The following CYP19A1 variants were observed in gnomAD, a reference collection of about 807,000 sequenced individuals.
CYP19A1 encodes the protein aromatase.
A neutral mutation model predicts 44.4 loss-of-function variants in CYP19A1; 32 were observed. The observed-to-expected ratio is 0.72, with a 90% confidence interval of 0.54 to 0.97. The LOEUF (loss-of-function observed/expected upper bound fraction) is 0.97. Among genes scored for constraint, CYP19A1 ranks in the 50% least tolerant of loss-of-function variants. The pLI is 0.00. For synonymous variants in CYP19A1, 212 were observed against 215.6 expected (o/e 0.98, Z 0.14); for missense variants, 598 against 637.8 (o/e 0.94, Z 0.67).
At chr15:51,296,555 A>G (rs1013712769) in intron 1 of CYP19A1, among the ~76,000 whole-genome samples, 1 of 152,232 alleles carries the variant, frequency 6.6e-6, no homozygotes, top group Non-Finnish European at 1.5e-5. Context: ...GAAACTCGCT[A>G]AAATTACAGA....
chr15:51,234,791 C>A (rs1241986142), intron 3 of CYP19A1, among the ~76,000 whole-genome samples: 4 of 152,250 alleles, frequency 2.6e-5, no homozygotes, highest in Middle Eastern at 3.4e-3. Context: ...CTGAGTCCTA[C>A]CCCCAGAGGT....
In CYP19A1 at chr15:51,212,526, A is replaced by G; in HGVS notation, c.1057T>C (p.Leu353=). ...RDIKIDDIQK[L]KVMENFIYES... Reference sequence around the variant, plus strand: ...TAAATGAAGTTTTCCATCACTTTTAATTTTTGTATATCATCAATCTTTATG... The same window carrying G: ...TAAATGAAGTTTTCCATCACTTTTAGTTTTTGTATATCATCAATCTTTATG... Residue 353 remains leucine, a synonymous_variant, in exon 9 of 10, where the codon TTA becomes CTA. Transcript: ENST00000396402. 6.6e-7 allele frequency: 1 copy of G among 1,512,146 alleles called. No individual in the cohort carries two copies. Among genetic ancestry groups the G allele is most frequent in the South Asian group, 1.1e-5 (1 of 88,986 alleles). 93.7% of individuals were successfully genotyped at this position (1,512,146 alleles called of 1,614,324 possible). A position where few individuals can be genotyped will look rare whatever the true frequency, so the allele number is the denominator to read the frequency against.
At chr15:51,303,110 G>A (rs76439081) in intron 1 of CYP19A1, among the ~76,000 whole-genome samples, 1 of 152,172 alleles carries the variant, frequency 6.6e-6, no homozygotes, top group African/African-American at 2.4e-5. Context: ...CCTTTGGAAG[G>A]CTTCAGCTGT....
At chr15:51,281,169 C>T (rs1461996427) in intron 1 of CYP19A1, among the ~76,000 whole-genome samples, 1 of 152,184 alleles carries the variant, frequency 6.6e-6, no homozygotes, top group South Asian at 2.1e-4. Flanking sequence ...CACACAGCCC[C>T]CTTGCTACAC....
intron 1 of CYP19A1, chr15:51,320,965 C>G (rs1371200689): frequency 2.0e-5 from 3 of 152,418 alleles, no homozygotes; most frequent in African/African-American, 7.2e-5. Flanking sequence ...TCAATTCAGA[C>G]CAGCCACACT....
In CYP19A1 at chr15:51,309,861, G is replaced by A. The variant is rs59731284; in HGVS notation, c.-39+28634C>T. 8.0e-3 allele frequency among the ~76,000 whole-genome samples: 1,224 copies of A among 152,138 alleles called. 20 individuals are homozygous for A. Among genetic ancestry groups the A allele is most frequent in the African/African-American group, 0.028 (1,151 of 41,482 alleles). ...TACTGAAAATCCCTTTATTCCACTC[G>A]CCCATGAGCTACTTGAGGGTGGGCA... On this transcript the variant is annotated intron_variant, in intron 1 of 9. Coordinates refer to ENST00000396402, the MANE Select transcript of CYP19A1 (RefSeq NM_000103.4).
chr15:51,254,095 G>A (rs1413306457), intron 1 of CYP19A1, among the ~76,000 whole-genome samples: 3 of 152,064 alleles, frequency 2.0e-5, no homozygotes, highest in Admixed American at 2.0e-4. Context: ...TCTCTTAGTC[G>A]ACCCCAGTTT....
At chr15:51,323,286 G>A (rs1483228849) in intron 1 of CYP19A1, among the ~76,000 whole-genome samples, 1 of 152,110 alleles carries the variant, frequency 6.6e-6, no homozygotes, top group Non-Finnish European at 1.5e-5. Context: ...ATAGGAAGCT[G>A]CTCTCAGGTA....
intron 1 of CYP19A1, among the ~76,000 whole-genome samples, chr15:51,259,092 T>C (rs999289392): frequency 6.6e-6 from 1 of 152,162 alleles, no homozygotes; most frequent in African/African-American, 2.4e-5. Context: ...TAATGATCCT[T>C]GCCCTCCCGC....
chr15:51,298,033 G>A (rs1453730370), intron 1 of CYP19A1, among the ~76,000 whole-genome samples: 1 of 152,126 alleles, frequency 6.6e-6, no homozygotes, highest in African/African-American at 2.4e-5. Context: ...GCAGGAGTTA[G>A]ATGTGGGGAG....
At chr15:51,302,505 G>T (rs2036135632) in intron 1 of CYP19A1, among the ~76,000 whole-genome samples, 1 of 152,182 alleles carries the variant, frequency 6.6e-6, no homozygotes, top group Non-Finnish European at 1.5e-5. Flanking sequence ...TTTCATCAGG[G>T]CAATGGTAGG....
At chr15:51,328,892 C>T (rs2141028897) in intron 1 of CYP19A1, among the ~76,000 whole-genome samples, 1 of 152,264 alleles carries the variant, frequency 6.6e-6, no homozygotes, top group Admixed American at 6.5e-5. Flanking sequence ...ATTGCTGCTG[C>T]CTGACTGGCT....
intron 1 of CYP19A1, among the ~76,000 whole-genome samples, chr15:51,260,948 G>C (rs899514611): frequency 6.6e-6 from 1 of 152,028 alleles, no homozygotes; most frequent in African/African-American, 2.4e-5. Flanking sequence ...GTTCTGGCTC[G>C]AGCTGAGCTT....
chr15:51,261,060 G>A (rs189481593), intron 1 of CYP19A1, among the ~76,000 whole-genome samples: 3 of 152,294 alleles, frequency 2.0e-5, no homozygotes, highest in Non-Finnish European at 4.4e-5. Context: ...CTGATCCAGC[G>A]AGGTGCCCAT....
chr15:51,305,177 G>A (rs1428004327), intron 1 of CYP19A1, among the ~76,000 whole-genome samples: 1 of 151,990 alleles, frequency 6.6e-6, no homozygotes, highest in Non-Finnish European at 1.5e-5. Flanking sequence ...TGGGATCACA[G>A]GCGTGATCCA....
chr15:51,322,173 G>A (rs916761626), intron 1 of CYP19A1, among the ~76,000 whole-genome samples: 7 of 152,156 alleles, frequency 4.6e-5, no homozygotes, highest in African/African-American at 1.7e-4. Flanking sequence ...GAAAACCTGC[G>A]AGCCCCTGGC....
intron 1 of CYP19A1, among the ~76,000 whole-genome samples, chr15:51,289,240 C>G (rs2035786258): frequency 6.6e-6 from 1 of 152,200 alleles, no homozygotes; most frequent in African/African-American, 2.4e-5. Flanking sequence ...CTTTACATTT[C>G]AAATGCCTTG....
chr15:51,236,267 C>T (rs192961745), intron 3 of CYP19A1, among the ~76,000 whole-genome samples: 173 of 152,250 alleles, frequency 1.1e-3, no homozygotes, highest in South Asian at 6.9e-3. Flanking sequence ...TTACTTTAAT[C>T]GGATTCAGCC....
intron 1 of CYP19A1, among the ~76,000 whole-genome samples, chr15:51,290,888 CTA>C (rs954360818): frequency 2.0e-5 from 3 of 152,204 alleles, no homozygotes; most frequent in Admixed American, 6.5e-5. Context: ...ATCCTCTTGC[CTA>C]GGATCTTTGC....
Sources: gnomAD v4.1 joint callset for allele counts (sites outside exome capture counted in the v4.1 genomes callset) on GRCh38, gnomAD v4.1.1 for gene constraint, MANE v1.5 for transcripts, NCBI Gene and HGNC (gene_info 2026-07-23, HGNC 2026-07-21) for gene names.